RBFOX3: variants seen among roughly 807,000 people sequenced by gnomAD.
RBFOX3 encodes the protein RNA binding protein fox-1 homolog 3.
Under a neutral mutation model 48.7 loss-of-function variants are expected in RBFOX3, and 17 were observed. The observed-to-expected ratio is 0.35, with a 90% CI of 0.24 to 0.52. The LOEUF (loss-of-function observed/expected upper bound fraction) is 0.52. RBFOX3 is among the 20% of genes least tolerant of loss of function. The pLI is 0.94. For missense variants in RBFOX3, 382 were observed against 497.5 expected, an observed-to-expected ratio of 0.77 and a Z score of 2.21; for synonymous variants, 212 against 209.5, an observed-to-expected ratio of 1.01 and a Z score of -0.10.
In RBFOX3 at chr17:79,108,222, G is replaced by A. The variant is rs547990923; in HGVS notation, c.223-1434C>T. Among the ~76,000 whole-genome samples the A allele has an allele frequency of 6.6e-5, 10 of 152,336 alleles. No homozygotes were observed. The South Asian group carries it at 1.4e-3, about 22-fold the overall frequency. ...AGGTAGGAGGGTCTTGGCTCCAGCCGTCTGGATCCTTTCTGGAGCGGCCGT... is the reference window on the plus strand; with the variant it reads ...AGGTAGGAGGGTCTTGGCTCCAGCCATCTGGATCCTTTCTGGAGCGGCCGT... On this transcript the variant is annotated intron_variant, in intron 5 of 14. Coordinates refer to ENST00000693108, the MANE Select transcript of RBFOX3 (RefSeq NM_001350451.2).
chr17:79,577,851 C>T (rs1402839891), intron 1 of RBFOX3, among the ~76,000 whole-genome samples: 1 of 152,202 alleles, frequency 6.6e-6, no homozygotes, highest in Non-Finnish European at 1.5e-5. Context: ...GCATTGAGCA[C>T]CCTTTGTGAA....
At chr17:79,547,771 C>T (rs1046334112) in intron 1 of RBFOX3, among the ~76,000 whole-genome samples, 3 of 152,204 alleles carry the variant, frequency 2.0e-5, no homozygotes, top group South Asian at 2.1e-4. Flanking sequence ...GGGCAGCAGG[C>T]AGGGGCCACA....
intron 3 of RBFOX3, among the ~76,000 whole-genome samples, chr17:79,287,365 G>A (rs4789883): frequency 0.85 from 129,155 of 152,168 alleles, 54,921 homozygotes; most frequent in East Asian, 0.99. Context: ...CAAAGAGGGA[G>A]GGAAATTGGG....
the RBFOX3 span, among the ~76,000 whole-genome samples, chr17:79,652,085 A>G: frequency 1.3e-5 from 2 of 151,768 alleles, no homozygotes; most frequent in Non-Finnish European, 2.9e-5. Flanking sequence ...GCTAAGCCCA[A>G]CCAGATCCCC....
intron 2 of RBFOX3, among the ~76,000 whole-genome samples, chr17:79,437,448 C>T (rs559721512): frequency 6.6e-6 from 1 of 152,370 alleles, no homozygotes; most frequent in South Asian, 2.1e-4. Flanking sequence ...AGCTGCCTGT[C>T]ACCGTCACTG....
In RBFOX3 at chr17:79,548,756, A is replaced by AT. The variant is rs554581744; in HGVS notation, c.-320+62069dup. On this transcript the variant is annotated intron_variant, in intron 1 of 14. Transcript: ENST00000693108. The stretch of plus-strand genomic sequence containing the variant: ...GTGCGTGTCCTTGGGCATGCGTTGC[A>AT]TGTACTGCTGTAGCCCCAGTGCCTG... 2.8e-4 allele frequency among the ~76,000 whole-genome samples: 42 copies of AT among 152,326 alleles called. No individual in the cohort carries two copies. In the East Asian group the frequency reaches 5.0e-3, roughly 18 times the overall value.
intron 2 of RBFOX3, among the ~76,000 whole-genome samples, chr17:79,337,473 C>T (rs1263270445): frequency 6.6e-6 from 1 of 152,120 alleles, no homozygotes; most frequent in African/African-American, 2.4e-5. Flanking sequence ...ATTCACAAAT[C>T]GGATCAAGAA....
In RBFOX3 at chr17:79,117,016, T is replaced by C. The variant is rs374219060; in HGVS notation, c.-33-1268A>G. Among the ~76,000 whole-genome samples the C allele has an allele frequency of 3.8e-3, 581 of 152,214 alleles. 8 individuals carry two copies. Among genetic ancestry groups the C allele is most frequent in the African/African-American group, 0.013 (554 of 41,540 alleles). On this transcript the variant is annotated intron_variant, in intron 4 of 14. Transcript: ENST00000693108. The stretch of plus-strand genomic sequence containing the variant: ...CAGCCCTGGTGGGGAGCCCTTATGA[T>C]CCCAAGAGGAGGGCTGGGGTCTTTC...
intron 4 of RBFOX3, among the ~76,000 whole-genome samples, chr17:79,186,825 A>G (rs1438048106): frequency 6.6e-6 from 1 of 152,206 alleles, no homozygotes; most frequent in Non-Finnish European, 1.5e-5. Flanking sequence ...GAAGGTTCCG[A>G]TGGTTCCAAG....
chr17:79,383,861 C>T (rs1226779920), intron 2 of RBFOX3, among the ~76,000 whole-genome samples: 1 of 152,158 alleles, frequency 6.6e-6, no homozygotes, highest in Non-Finnish European at 1.5e-5. Context: ...ACACTGGGTC[C>T]TGGCATTCCC....
chr17:79,282,360 A>G (rs935116538), intron 3 of RBFOX3, among the ~76,000 whole-genome samples: 2 of 152,182 alleles, frequency 1.3e-5, no homozygotes, highest in African/African-American at 4.8e-5. Context: ...TTTTTCCCCT[A>G]AGGGATTCGC....
intron 2 of RBFOX3, among the ~76,000 whole-genome samples, chr17:79,354,881 T>C (rs1177684443): frequency 1.3e-5 from 2 of 152,260 alleles, no homozygotes; most frequent in Non-Finnish European, 2.9e-5. Context: ...GTATCCTTGA[T>C]CCTTCTAAAG....
At chr17:79,620,159 G>A in the RBFOX3 span, among the ~76,000 whole-genome samples, 1,007 of 24,242 alleles carry the variant, frequency 0.042, 15 homozygotes, top group African/African-American at 0.094. Flanking sequence ...ATGCACGCGC[G>A]GACATGCACA....
rs534923135 is a variant in RBFOX3 at position 79,375,358 on chromosome 17, GACACAC to G, written c.-174-67540_-174-67535del. On this transcript the variant is annotated intron_variant, in intron 2 of 14. Transcript: ENST00000693108. Reference sequence around the variant, plus strand: ...TGCTGGTCCAGTTAGGAAGACAGAAGACACACACACACACACACACACACACACACA... The same window carrying G: ...TGCTGGTCCAGTTAGGAAGACAGAAGACACACACACACACACACACACACA... Among the ~76,000 whole-genome samples, 1,267 of 136,284 alleles carry G rather than the reference GACACAC, an allele frequency of 9.3e-3. 12 individuals carry two copies. Among genetic ancestry groups the G allele is most frequent in the African/African-American group, 0.031 (1,129 of 37,010 alleles). The allele number at this position is 136,284 out of a possible 152,430, so 89.4% of individuals were successfully genotyped here.
chr17:79,524,396 C>T (rs1055378843), intron 1 of RBFOX3, among the ~76,000 whole-genome samples: 1 of 152,162 alleles, frequency 6.6e-6, no homozygotes, highest in East Asian at 1.9e-4. Flanking sequence ...GCAGCCCGCT[C>T]TCTCTTCGGC....
At chr17:79,592,047 G>A (rs1456465965) in intron 1 of RBFOX3, among the ~76,000 whole-genome samples, 6 of 151,532 alleles carry the variant, frequency 4.0e-5, no homozygotes, top group African/African-American at 1.5e-4. Context: ...GTATGTGTAT[G>A]TGTGTGGGTG....
At chr17:79,101,901 C>T (rs571599011) in intron 8 of RBFOX3, among the ~76,000 whole-genome samples, 1 of 152,330 alleles carries the variant, frequency 6.6e-6, no homozygotes, top group African/African-American at 2.4e-5. Context: ...TAAACCCAGC[C>T]CCAGGCTCCC....
At chr17:79,662,518 G>A in the RBFOX3 span, among the ~76,000 whole-genome samples, 1 of 152,082 alleles carries the variant, frequency 6.6e-6, no homozygotes, top group Non-Finnish European at 1.5e-5. Flanking sequence ...TCCTTAACGG[G>A]ACCGCCTTTG....
chr17:79,638,791 C>A, the RBFOX3 span, among the ~76,000 whole-genome samples: 1 of 152,178 alleles, frequency 6.6e-6, no homozygotes, highest in Admixed American at 6.5e-5. Context: ...CTTGCTTCCT[C>A]TCCTGCCATG....
Sources: allele counts gnomAD v4.1 joint callset (sites outside exome capture counted in the v4.1 genomes callset), GRCh38; gene constraint gnomAD v4.1.1; transcripts MANE v1.5; gene names NCBI Gene and HGNC (gene_info 2026-07-23, HGNC 2026-07-21).